GAN: variants seen among roughly 807,000 people sequenced by gnomAD.
The protein encoded by GAN is gigaxonin, also known as epididymis secretory sperm binding protein.
GAN carries 48 observed loss-of-function variants against 71.3 expected under a neutral mutation model. The observed-to-expected ratio is 0.67, with a 90% CI of 0.53 to 0.86. The LOEUF (loss-of-function observed/expected upper bound fraction) is 0.86, where lower values mean the gene tolerates loss of function less well. Among genes scored for constraint, GAN ranks in the 40% least tolerant of loss-of-function variants. The probability of loss-of-function intolerance (pLI) is 0.00; values close to 1 mark genes in which losing one functional copy is unlikely to be tolerated. For synonymous variants in GAN, 386 were observed against 276.8 expected (o/e 1.39, Z -3.92); for missense variants, 928 against 770.1 (o/e 1.21, Z -2.43).
At chr16:81,329,566 C>T (rs1462064303) in intron 1 of GAN, among the ~76,000 whole-genome samples, 6 of 152,154 alleles carry the variant, frequency 3.9e-5, no homozygotes, top group Admixed American at 2.0e-4. Flanking sequence ...TCCATCAAAA[C>T]TGTTCTTTAA....
intron 1 of GAN, among the ~76,000 whole-genome samples, chr16:81,328,665 A>C (rs1336463554): frequency 1.0e-5 from 1 of 98,216 alleles, no homozygotes; most frequent in Admixed American, 1.0e-4. Context: ...TTTTTTTTAG[A>C]TCTATCACCA....
intron 5 of GAN, among the ~76,000 whole-genome samples, chr16:81,359,790 T>A (rs776201163): frequency 6.6e-6 from 1 of 152,186 alleles, no homozygotes; most frequent in Non-Finnish European, 1.5e-5. Flanking sequence ...CATGATAAAG[T>A]TTAAGTTCAG....
At chr16:81,351,005 A>T (rs59579335) in intron 1 of GAN, among the ~76,000 whole-genome samples, 1 of 152,250 alleles carries the variant, frequency 6.6e-6, no homozygotes, top group Non-Finnish European at 1.5e-5. Flanking sequence ...AGTCATTTAT[A>T]TAAAACAATA....
At position 81,337,200 on chromosome 16, in the gene GAN, G is replaced by T. The variant is rs531430300; in HGVS notation, c.168-14383G>T. Among the ~76,000 whole-genome samples the T allele has an allele frequency of 2.0e-5, 3 of 152,222 alleles. No homozygotes were observed. In the East Asian group the frequency reaches 5.8e-4, roughly 29 times the overall value. ...TGAATTATTAGTTTGGCATAAGCAG[G>T]TAAATGAAGAGGCTACACAGGCCCC... On this transcript the variant is annotated intron_variant, in intron 1 of 10. Coordinates refer to ENST00000648994, the MANE Select transcript of GAN (RefSeq NM_022041.4).
chr16:81,364,411 G>A (rs1001903493), intron 7 of GAN, among the ~76,000 whole-genome samples: 1 of 152,178 alleles, frequency 6.6e-6, no homozygotes, highest in African/African-American at 2.4e-5. Context: ...GACTACAGGT[G>A]TGCACCACCA....
rs200111025 is a variant in GAN at position 81,328,980 on chromosome 16, A to G, written c.167+13700A>G. Among the ~76,000 whole-genome samples the G allele has an allele frequency of 5.3e-5, 8 of 152,304 alleles. No individual in the cohort carries two copies. The East Asian group carries it at 1.5e-3, about 29-fold the overall frequency. On this transcript the variant is annotated intron_variant, in intron 1 of 10. Transcript: ENST00000648994. ...GCAGGTTGTAATTTGTCACCGTTTC[A>G]TCTACAGTATTAGATGTTTAAAAAT...
intron 7 of GAN, 79 bp from the exon 8 acceptor site, chr16:81,364,895 G>A (rs937849231): frequency 6.2e-5 from 85 of 1,373,640 alleles, no homozygotes; most frequent in Non-Finnish European, 8.6e-5. Flanking sequence ...TTTAAGTATG[G>A]CCCAGACAGT....
chr16:81,346,054 A>G (rs952635160), intron 1 of GAN, among the ~76,000 whole-genome samples: 1 of 152,230 alleles, frequency 6.6e-6, no homozygotes, highest in African/African-American at 2.4e-5. Flanking sequence ...CTCTAATTCT[A>G]TCCTGAAGCT....
intron 9 of GAN, among the ~76,000 whole-genome samples, chr16:81,367,888 T>TA (rs1232986769): frequency 6.6e-6 from 1 of 152,206 alleles, no homozygotes; most frequent in Non-Finnish European, 1.5e-5. Flanking sequence ...GACTTAAAAA[T>TA]ATAGGCTTTC....
At chr16:81,329,591 T>C (rs1909505053) in intron 1 of GAN, among the ~76,000 whole-genome samples, 2 of 152,192 alleles carry the variant, frequency 1.3e-5, no homozygotes, top group Non-Finnish European at 1.5e-5. Flanking sequence ...TTGCAGTGTA[T>C]AATTGCCAAA....
intron 1 of GAN, among the ~76,000 whole-genome samples, chr16:81,340,512 C>T (rs755005012): frequency 1.3e-5 from 2 of 152,124 alleles, no homozygotes; most frequent in Non-Finnish European, 2.9e-5. Context: ...AATGGACCTC[C>T]AGCAAACCCC....
At position 81,375,446 on chromosome 16, in the gene GAN, C is replaced by T. The variant is rs139835718; in HGVS notation, c.1503-1773C>T. On this transcript the variant is annotated intron_variant, in intron 9 of 10. Transcript: ENST00000648994. The stretch of plus-strand genomic sequence containing the variant: ...TGACCTCCTTGACTCAAGCAATCCT[C>T]CCACCTCAGCCTGAGTAGCTGGGAC... Among the ~76,000 whole-genome samples the T allele has an allele frequency of 2.5e-3, 375 of 149,820 alleles. 2 individuals carry two copies. The highest frequency in any genetic ancestry group is 8.9e-3 in the African/African-American group (362 of 40,734).
rs1387328834 is a variant in GAN at position 81,332,884 on chromosome 16, G to C, written c.167+17604G>C. Reference sequence around the variant, plus strand: ...CTTCAGTGCATCATATCAGGAGGCCGTGATGTTAATTTGTCCCAACATTGG... The same window carrying C: ...CTTCAGTGCATCATATCAGGAGGCCCTGATGTTAATTTGTCCCAACATTGG... On this transcript the variant is annotated intron_variant, in intron 1 of 10. Transcript: ENST00000648994. Among the ~76,000 whole-genome samples the C allele has an allele frequency of 5.3e-5, 8 of 152,278 alleles. No individual in the cohort carries two copies. The East Asian group carries it at 1.2e-3, about 22-fold the overall frequency.
At chr16:81,326,072 G>A (rs1909376044) in intron 1 of GAN, among the ~76,000 whole-genome samples, 4 of 152,150 alleles carry the variant, frequency 2.6e-5, no homozygotes, top group African/African-American at 7.2e-5. Flanking sequence ...GACTCCTTTA[G>A]TTCATGGTGT....
intron 9 of GAN, chr16:81,371,747 G>C (rs1911043343): frequency 6.6e-6 from 1 of 152,202 alleles, no homozygotes. Context: ...ATTTTCTCTA[G>C]GGGTTTAGCT....
intron 5 of GAN, 68 bp from the exon 6 acceptor site, chr16:81,362,431 A>G: frequency 1.2e-6 from 1 of 810,086 alleles, no homozygotes; most frequent in Non-Finnish European, 2.2e-6. Context: ...CTGTTTCTAT[A>G]TATGCTGTGG....
At chr16:81,317,184 C>G (rs1039130886) in intron 1 of GAN, among the ~76,000 whole-genome samples, 2 of 152,220 alleles carry the variant, frequency 1.3e-5, no homozygotes, top group African/African-American at 2.4e-5. Context: ...CTGCTTTACT[C>G]TTTGCACCCA....
At chr16:81,373,872 A>T (rs1364716900) in intron 9 of GAN, among the ~76,000 whole-genome samples, 1 of 152,168 alleles carries the variant, frequency 6.6e-6, no homozygotes, top group Non-Finnish European at 1.5e-5. Flanking sequence ...CCTCCCAAGT[A>T]GCTGGGACTA....
chr16:81,369,972 A>G (rs962939726), intron 9 of GAN, among the ~76,000 whole-genome samples: 3 of 152,156 alleles, frequency 2.0e-5, no homozygotes, highest in East Asian at 1.9e-4. Flanking sequence ...CCTCACACAA[A>G]TGTTGTATCT....
Sources: allele counts gnomAD v4.1 joint callset (sites outside exome capture counted in the v4.1 genomes callset), GRCh38; gene constraint gnomAD v4.1.1; transcripts MANE v1.5; gene names NCBI Gene and HGNC (gene_info 2026-07-23, HGNC 2026-07-21).